PARVA: variants seen among roughly 807,000 people sequenced by gnomAD.
PARVA encodes alpha-parvin.
A neutral mutation model predicts 52.6 loss-of-function variants in PARVA; 25 were observed. That is an observed-to-expected ratio of 0.48 (90% confidence interval 0.35 to 0.66). PARVA has a LOEUF of 0.66. Ranked by LOEUF, PARVA falls within the 30% of genes least tolerant of loss-of-function variation. PARVA has a pLI of 0.01. For synonymous variants in PARVA, 185 were observed against 179.1 expected (o/e 1.03, Z -0.26); for missense variants, 373 against 450.9 (o/e 0.83, Z 1.56).
At chr11:12,377,250 C>G, upstream of PARVA, 1 of 400,256 alleles carries the variant, frequency 2.5e-6, no homozygotes, top group Non-Finnish European at 4.3e-6. Context: ...GGGAGAGTAG[C>G]AGGGTTGGGT....
intron 1 of PARVA, among the ~76,000 whole-genome samples, chr11:12,438,063 A>ATC (rs761157538): frequency 2.6e-4 from 39 of 152,066 alleles, no homozygotes; most frequent in Non-Finnish European, 4.4e-4. Context: ...GATCGAGACC[A>ATC]TCCTGGCTAA....
intron 4 of PARVA, among the ~76,000 whole-genome samples, chr11:12,487,883 G>A (rs976073248): frequency 6.6e-6 from 1 of 152,142 alleles, no homozygotes; most frequent in African/African-American, 2.4e-5. Flanking sequence ...ATAATAAACT[G>A]TCTCTATGAA....
At chr11:12,511,127 A>C (rs1371111908) in intron 7 of PARVA, among the ~76,000 whole-genome samples, 3 of 152,132 alleles carry the variant, frequency 2.0e-5, no homozygotes, top group Non-Finnish European at 4.4e-5. Flanking sequence ...GGGTTGCTTG[A>C]GCTCACTCGT....
chr11:12,497,412 A>G (rs1162369125), intron 5 of PARVA, among the ~76,000 whole-genome samples: 1 of 152,144 alleles, frequency 6.6e-6, no homozygotes, highest in African/African-American at 2.4e-5. Flanking sequence ...AACTTACACA[A>G]CTTAAAATCA....
In PARVA at chr11:12,392,830, C is replaced by T. The variant is rs111317438; in HGVS notation, c.136+15047C>T. Among the ~76,000 whole-genome samples, 12 of 152,076 alleles carry T rather than the reference C, an allele frequency of 7.9e-5. No homozygotes were observed. In the South Asian group the frequency reaches 1.2e-3, roughly 16 times the overall value. On this transcript the variant is annotated intron_variant, in intron 1 of 12. Coordinates refer to ENST00000334956, the MANE Select transcript of PARVA (RefSeq NM_018222.5). ...TTATGAGTTATCTGACTGTTAACCC[C>T]GAAAGGTACACACTGGATCTCCTTC... is the stretch of plus-strand genomic sequence containing the variant.
chr11:12,392,107 A>C (rs1939667290), intron 1 of PARVA, among the ~76,000 whole-genome samples: 1 of 151,970 alleles, frequency 6.6e-6, no homozygotes, highest in Non-Finnish European at 1.5e-5. Context: ...AAATGGAATA[A>C]TATATATTAT....
At chr11:12,497,488 G>A (rs1239259575) in intron 5 of PARVA, among the ~76,000 whole-genome samples, 3 of 152,158 alleles carry the variant, frequency 2.0e-5, no homozygotes, top group African/African-American at 7.2e-5. Flanking sequence ...CACCTCTAAA[G>A]TTAGAAACCC....
intron 1 of PARVA, among the ~76,000 whole-genome samples, chr11:12,378,052 CCCCCG>C: frequency 6.7e-6 from 1 of 150,260 alleles, no homozygotes; most frequent in African/African-American, 2.4e-5. Flanking sequence ...CAGGCCAACG[CCCCCG>C]CCGGGCCGTG....
At chr11:12,432,388 A>G (rs1221087515) in intron 1 of PARVA, among the ~76,000 whole-genome samples, 3 of 152,250 alleles carry the variant, frequency 2.0e-5, no homozygotes, top group Non-Finnish European at 4.4e-5. Context: ...ATAGATGTGA[A>G]TGTCATTTTA....
chr11:12,507,339 G>A (rs1343556563), intron 6 of PARVA, among the ~76,000 whole-genome samples: 1 of 152,108 alleles, frequency 6.6e-6, no homozygotes, highest in Non-Finnish European at 1.5e-5. Flanking sequence ...CCAGGTGTCT[G>A]GTGCTGGTGG....
In PARVA at chr11:12,530,984, C is replaced by G. The variant is rs1365167253; in HGVS notation, c.*3059C>G. ...CAGAGGCATCCTCATGTGCCTCGAA[C>G]CGAATGTTTTTAAGTCCTCTTTTGG... On this transcript the variant is annotated 3_prime_UTR_variant, in exon 13 of 13. Coordinates refer to ENST00000334956, the MANE Select transcript of PARVA (RefSeq NM_018222.5). 6.6e-6 allele frequency among the ~76,000 whole-genome samples: 1 copy of G among 152,134 alleles called. No homozygotes were observed. Among genetic ancestry groups the G allele is most frequent in the Non-Finnish European group, 1.5e-5 (1 of 68,032 alleles).
chr11:12,426,328 G>T (rs897920566), intron 1 of PARVA, among the ~76,000 whole-genome samples: 11 of 152,152 alleles, frequency 7.2e-5, no homozygotes, highest in Non-Finnish European at 1.3e-4. Flanking sequence ...AGGCACTGAG[G>T]TGTGAAAGAG....
chr11:12,496,705 G>C (rs1941303546), intron 5 of PARVA, 107 bp downstream of exon 5: 1 of 1,081,410 alleles, frequency 9.2e-7, no homozygotes, highest in Non-Finnish European at 1.3e-6. Flanking sequence ...AGGGGAGGGG[G>C]TCAAACTCAT....
Position 12,533,831 on chromosome 11 carries a change from GAGT to G in PARVA, c.*5909_*5911del, listed in dbSNP as rs796908090. ...GGCGGAGGAGGAGGAGGAGGAGGAG[GAGT>G]AGGGGTTGGTCTTGCTGTCTGAGGG... On this transcript the variant is annotated 3_prime_UTR_variant, in exon 13 of 13. Transcript: ENST00000334956. 4.5e-4 allele frequency among the ~76,000 whole-genome samples: 68 copies of G among 151,292 alleles called. No homozygotes were observed. Among genetic ancestry groups the G allele is most frequent in the South Asian group, 8.4e-4 (4 of 4,776 alleles).
upstream of PARVA, chr11:12,376,805 T>C: frequency 5.5e-6 from 4 of 728,082 alleles, 1 homozygote; most frequent in South Asian, 2.5e-4. Flanking sequence ...TTTGTATGAC[T>C]CCCCTGTTAT....
chr11:12,388,380 C>T (rs1418266101), intron 1 of PARVA, among the ~76,000 whole-genome samples: 1 of 152,208 alleles, frequency 6.6e-6, no homozygotes, highest in Non-Finnish European at 1.5e-5. Flanking sequence ...GACACGTGAC[C>T]AGTGTCACTG....
At chr11:12,469,121 T>C (rs1029612549) in intron 1 of PARVA, among the ~76,000 whole-genome samples, 2 of 152,212 alleles carry the variant, frequency 1.3e-5, no homozygotes, top group Non-Finnish European at 2.9e-5. Context: ...CCTTGTTATG[T>C]ACAGAATTGT....
At chr11:12,466,537 C>T (rs1197124029) in intron 1 of PARVA, among the ~76,000 whole-genome samples, 1 of 152,030 alleles carries the variant, frequency 6.6e-6, no homozygotes, top group African/African-American at 2.4e-5. Flanking sequence ...AACTCCTGAC[C>T]TTGTGATCCG....
At chr11:12,522,421 C>CTTTTTTTTTTTTTT (rs66494894) in intron 12 of PARVA, among the ~76,000 whole-genome samples, 2 of 134,634 alleles carry the variant, frequency 1.5e-5, no homozygotes, top group Non-Finnish European at 1.5e-5. Context: ...GAGCTTTATT[C>CTTTTTTTTTTTTTT]TTTTTTTTTT....
Sources: gnomAD v4.1 joint callset for allele counts (sites outside exome capture counted in the v4.1 genomes callset) on GRCh38, gnomAD v4.1.1 for gene constraint, MANE v1.5 for transcripts, NCBI Gene and HGNC (gene_info 2026-07-23, HGNC 2026-07-21) for gene names.